The following CFAP251 variants were observed in gnomAD, a reference collection of about 807,000 sequenced individuals.
The protein encoded by CFAP251 is cilia- and flagella-associated protein 251.
CFAP251 carries 93 observed loss-of-function variants against 126.7 expected under a neutral mutation model. That is an observed-to-expected ratio of 0.73 (90% confidence interval 0.62 to 0.87). The LOEUF is 0.87. CFAP251 is among the 40% of genes least tolerant of loss of function. CFAP251 has a pLI of 0.00. For synonymous variants in CFAP251, 503 were observed against 506.9 expected (o/e 0.99, Z 0.10); for missense variants, 1,287 against 1,389.2 (o/e 0.93, Z 1.17).
intron 16 of CFAP251, among the ~76,000 whole-genome samples, chr12:121,967,474 G>A (rs1158705945): frequency 6.6e-6 from 1 of 152,174 alleles, no homozygotes; most frequent in Non-Finnish European, 1.5e-5. Context: ...AGGCCAAGGC[G>A]GGTGGATCAC....
chr12:121,983,219 G>A (rs1882666568), intron 19 of CFAP251, among the ~76,000 whole-genome samples: 1 of 151,908 alleles, frequency 6.6e-6, no homozygotes, highest in Non-Finnish European at 1.5e-5. Flanking sequence ...CTGGACAGCA[G>A]AGTGAGGCCC....
intron 19 of CFAP251, among the ~76,000 whole-genome samples, chr12:121,979,563 C>CTTCTTTT (rs751383402): frequency 1.2e-5 from 1 of 84,978 alleles, no homozygotes; most frequent in Non-Finnish European, 2.3e-5. Context: ...CTTTCTTCTT[C>CTTCTTTT]TTTTTTTTTT....
intron 19 of CFAP251, among the ~76,000 whole-genome samples, chr12:121,988,849 C>A (rs1327955798): frequency 6.6e-6 from 1 of 151,668 alleles, no homozygotes; most frequent in Non-Finnish European, 1.5e-5. Flanking sequence ...GATTCTCCCA[C>A]CTCAGCCTCC....
intron 17 of CFAP251, 21 bp downstream of exon 17, chr12:121,968,190 G>A: frequency 2.5e-6 from 4 of 1,584,958 alleles, no homozygotes; most frequent in Non-Finnish European, 3.5e-6. Flanking sequence ...GGGCGAGAAG[G>A]AAGGTATCAA....
At chr12:121,996,678 T>C (rs872781) in intron 19 of CFAP251, among the ~76,000 whole-genome samples, 5,703 of 152,320 alleles carry the variant, frequency 0.037, 146 homozygotes, top group Middle Eastern at 0.058. Flanking sequence ...ATTATTATTT[T>C]TTTAAGCTGC....
At position 122,001,588 on chromosome 12, in the gene CFAP251, C is replaced by T. The variant is rs1196107860; in HGVS notation, c.3327C>T (p.Cys1109=). 6.2e-7 allele frequency: 1 copy of T among 1,614,044 alleles called. No individual in the cohort carries two copies. The highest frequency in any genetic ancestry group is 2.2e-5 in the East Asian group (1 of 44,882). The change falls in exon 21 of 22, where the codon TGC becomes TGT. Residue 1109 remains cysteine (C), a synonymous_variant. Transcript: ENST00000288912. Reference sequence around the variant, plus strand: ...GATGGAAATCCGAGCCTGCAACCTGCTCCGTCAAAGGTACCCCAGCTGGCT... The same window carrying T: ...GATGGAAATCCGAGCCTGCAACCTGTTCCGTCAAAGGTACCCCAGCTGGCT... ...PEGWKSEPAT[C]SVKGSEICLE...
At chr12:121,988,606 A>G (rs142858718) in intron 19 of CFAP251, among the ~76,000 whole-genome samples, 66 of 152,240 alleles carry the variant, frequency 4.3e-4, no homozygotes, top group African/African-American at 1.5e-3. Context: ...GTTCATGTAG[A>G]TATGCCACAT....
intron 19 of CFAP251, among the ~76,000 whole-genome samples, chr12:121,991,259 A>G (rs978308272): frequency 6.6e-6 from 1 of 152,186 alleles, no homozygotes; most frequent in Non-Finnish European, 1.5e-5. Context: ...CTGCCGGGGA[A>G]ATAGAGATGA....
In CFAP251 at chr12:121,921,596, A is replaced by G. The variant is rs1373350296; in HGVS notation, c.291A>G (p.Thr97=). 6.8e-6 allele frequency: 11 copies of G among 1,614,056 alleles called. No homozygotes were observed. The highest frequency in any genetic ancestry group is 9.3e-6 in the Non-Finnish European group (11 of 1,180,044). ...KEASGIQEET[T]VEPQEVTASM... ...CTTCAGGAATACAGGAAGAAACCAC[A>G]GTAGAGCCCCAAGAAGTCACAGCGT... The change falls in exon 2 of 22, where the codon ACA becomes ACG. Residue 97 remains threonine (T), a synonymous_variant. Coordinates refer to ENST00000288912, the MANE Select transcript of CFAP251 (RefSeq NM_144668.6).
Position 121,957,078 on chromosome 12 carries a change from A to G in CFAP251, c.1540A>G (p.Ile514Val), listed in dbSNP as rs766640582. Residue 514 changes from isoleucine to valine, a missense_variant, in exon 11 of 22, where the codon ATT becomes GTT. Coordinates refer to ENST00000288912, the MANE Select transcript of CFAP251 (RefSeq NM_144668.6). The part of the protein sequence containing the change: ...ITVLTTIDSY[I>V]VTGDIKGNIK... ...TGATGTTATTCTCCATTTCAGCTAC[A>G]TTGTCACAGGTGACATTAAGGGGAA... The G allele has an allele frequency of 1.4e-5, 22 of 1,583,140 alleles. No homozygotes were observed. The highest frequency in any genetic ancestry group is 2.3e-5 in the East Asian group (1 of 44,214).
At chr12:121,942,148 G>A (rs1374096254) in intron 5 of CFAP251, among the ~76,000 whole-genome samples, 1 of 152,034 alleles carries the variant, frequency 6.6e-6, no homozygotes, top group Non-Finnish European at 1.5e-5. Flanking sequence ...CATACGGTTC[G>A]GTGACATTTA....
rs367741277 is a variant in CFAP251, at chr12:121,975,524, C to T, written c.2863-18C>T. On this transcript the variant is annotated intron_variant, in intron 18 of 21. Transcript: ENST00000288912. ...TAAGCCTAAATGTGTGTTGTGTTTCCGTTGTATTCCTACATAGGAGCTAGA... is the reference window on the plus strand; with the variant it reads ...TAAGCCTAAATGTGTGTTGTGTTTCTGTTGTATTCCTACATAGGAGCTAGA... The T allele has an allele frequency of 5.0e-5, 80 of 1,606,292 alleles. No individual in the cohort carries two copies. Among genetic ancestry groups the T allele is most frequent in the Non-Finnish European group, 5.8e-5 (68 of 1,177,846 alleles).
intron 9 of CFAP251, chr12:121,953,383 T>G (rs1013967256): frequency 6.6e-6 from 1 of 152,236 alleles, no homozygotes; most frequent in Admixed American, 6.5e-5. Flanking sequence ...TGAGTAAAAT[T>G]ATTTGTCACA....
At chr12:121,958,585 A>T in intron 12 of CFAP251, 63 bp downstream of exon 12, 2 of 1,597,146 alleles carry the variant, frequency 1.3e-6, no homozygotes, top group South Asian at 2.3e-5. Context: ...GGATGGATGC[A>T]CCTGGGCTGG....
intron 19 of CFAP251, among the ~76,000 whole-genome samples, chr12:121,994,184 G>A (rs1426344274): frequency 1.6e-5 from 1 of 62,130 alleles, no homozygotes; most frequent in Non-Finnish European, 3.3e-5. Flanking sequence ...CCGGCCAGCC[G>A]CCCCGTCCGG....
rs200006803 is a variant in CFAP251, at chr12:121,923,889, G to A, written c.646G>A (p.Asp216Asn). The change falls in exon 3 of 22, where the codon GAC becomes AAC. Residue 216 changes from aspartate (D) to asparagine (N), a missense_variant. Coordinates refer to ENST00000288912, the MANE Select transcript of CFAP251 (RefSeq NM_144668.6). ...GGAGGGACAAGAAAGGAGAGTATCC[G>A]ACATCCAGTCCAAAGCAGGGATCTC... The part of the protein sequence containing the change: ...REEGQERRVS[D>N]IQSKAGISRE... The A allele has an allele frequency of 6.2e-6, 10 of 1,613,968 alleles. No individual in the cohort carries two copies. In the East Asian group the frequency reaches 6.7e-5, roughly 11 times the overall value.
In CFAP251 at chr12:121,923,636, T is replaced by C. The variant is rs775252903; in HGVS notation, c.393T>C (p.Gly131=). ...TCTTTTTAAAGAAAACCCAAAGAGGTAGCAAGTCAAAGCTTTCCTTACAAT... is the reference window on the plus strand; with the variant it reads ...TCTTTTTAAAGAAAACCCAAAGAGGCAGCAAGTCAAAGCTTTCCTTACAAT... The part of the protein sequence containing the change: ...TSGIFPKTQR[G]SKSKLSLQLE... The change falls in exon 3 of 22, where the codon GGT becomes GGC. Residue 131 remains glycine (G), a synonymous_variant. Coordinates refer to ENST00000288912, the MANE Select transcript of CFAP251 (RefSeq NM_144668.6). The C allele has an allele frequency of 3.1e-6, 5 of 1,606,950 alleles. No homozygotes were observed. Among genetic ancestry groups the C allele is most frequent in the Non-Finnish European group, 3.4e-6 (4 of 1,177,636 alleles).
chr12:121,988,532 C>T (rs1234544007), intron 19 of CFAP251, among the ~76,000 whole-genome samples: 1 of 152,206 alleles, frequency 6.6e-6, no homozygotes, highest in Non-Finnish European at 1.5e-5. Context: ...TTTCCAGGTT[C>T]ATCCAGGTTG....
intron 19 of CFAP251, among the ~76,000 whole-genome samples, chr12:121,984,730 A>G (rs949693819): frequency 6.6e-6 from 1 of 152,228 alleles, no homozygotes; most frequent in African/African-American, 2.4e-5. Flanking sequence ...CTATCTTTAT[A>G]AATGTGTCTT....
Sources: gnomAD v4.1 joint callset for allele counts (sites outside exome capture counted in the v4.1 genomes callset) on GRCh38, gnomAD v4.1.1 for gene constraint, MANE v1.5 for transcripts, NCBI Gene and HGNC (gene_info 2026-07-23, HGNC 2026-07-21) for gene names.